RBFOX1: variants seen among roughly 807,000 people sequenced by gnomAD.
The protein encoded by RBFOX1 is RNA binding fox-1 homolog 1.
In RBFOX1, 8 loss-of-function variants were observed where a neutral mutation model predicts 57.7. That is an observed-to-expected ratio of 0.14 (90% CI 0.08 to 0.25). The LOEUF (loss-of-function observed/expected upper bound fraction) is 0.25, where lower values mean the gene tolerates loss of function less well. Ranked by LOEUF, RBFOX1 falls within the 10% of genes least tolerant of loss-of-function variation. The pLI, the probability that RBFOX1 is intolerant of heterozygous loss-of-function variation, is 1.00. For missense variants in RBFOX1, 611 were observed against 548.5 expected (o/e 1.11, Z -1.14); for synonymous variants, 326 against 222.4 (o/e 1.47, Z -4.15).
intron 4 of RBFOX1, among the ~76,000 whole-genome samples, chr16:5,938,755 T>C (rs1191129304): frequency 6.6e-6 from 1 of 152,130 alleles, no homozygotes; most frequent in East Asian, 1.9e-4. Flanking sequence ...TAAACAGTCA[T>C]TTTGGTTACC....
At chr16:5,366,470 CA>C in intron 1 of RBFOX1, 1 of 438,216 alleles carries the variant, frequency 2.3e-6, no homozygotes. Context: ...ACACCAAGAT[CA>C]AAAGGGCAAG....
intron 2 of RBFOX1, among the ~76,000 whole-genome samples, chr16:6,594,458 G>A (rs1034678981): frequency 3.9e-5 from 6 of 152,154 alleles, no homozygotes; most frequent in Non-Finnish European, 8.8e-5. Context: ...GGCAAACTCG[G>A]CAATAAATGC....
intron 3 of RBFOX1, among the ~76,000 whole-genome samples, chr16:6,792,792 A>G (rs2083218403): frequency 6.6e-6 from 1 of 152,190 alleles, no homozygotes; most frequent in African/African-American, 2.4e-5. Flanking sequence ...GCACTCTGGG[A>G]GGCCGAGGCA....
At chr16:6,942,701 G>C (rs1450464383) in intron 3 of RBFOX1, among the ~76,000 whole-genome samples, 8 of 152,118 alleles carry the variant, frequency 5.3e-5, no homozygotes, top group Admixed American at 5.2e-4. Context: ...TGACACTGGG[G>C]CATCTCTTTG....
At chr16:7,126,880 G>T (rs143640732) in intron 4 of RBFOX1, among the ~76,000 whole-genome samples, 20 of 151,846 alleles carry the variant, frequency 1.3e-4, no homozygotes, top group African/African-American at 3.6e-4. Flanking sequence ...GTGGTGGCAG[G>T]CACCTGTAAT....
chr16:7,548,031 C>T (rs1026627827), intron 5 of RBFOX1, among the ~76,000 whole-genome samples: 1 of 152,190 alleles, frequency 6.6e-6, no homozygotes, highest in Non-Finnish European at 1.5e-5. Context: ...AAAGAGGACA[C>T]TCTGTAAACA....
intron 3 of RBFOX1, among the ~76,000 whole-genome samples, chr16:6,945,220 G>C (rs961814493): frequency 2.0e-5 from 3 of 152,152 alleles, no homozygotes; most frequent in Non-Finnish European, 2.9e-5. Context: ...CAAAGTTCCA[G>C]CTCAGCCACT....
intron 4 of RBFOX1, among the ~76,000 whole-genome samples, chr16:7,466,607 C>A (rs1439552363): frequency 6.6e-6 from 1 of 152,174 alleles, no homozygotes; most frequent in Non-Finnish European, 1.5e-5. Context: ...GATCTGGATC[C>A]CAGCTCTGCA....
chr16:7,324,990 G>A (rs1157162048), intron 4 of RBFOX1, among the ~76,000 whole-genome samples: 1 of 152,072 alleles, frequency 6.6e-6, no homozygotes, highest in Non-Finnish European at 1.5e-5. Flanking sequence ...TTAGTTTTTT[G>A]TTTGGGACAT....
intron 4 of RBFOX1, among the ~76,000 whole-genome samples, chr16:5,988,175 C>G (rs1052039021): frequency 5.9e-5 from 9 of 152,132 alleles, no homozygotes; most frequent in African/African-American, 1.9e-4. Context: ...TCAGGAGGTG[C>G]AAATGTAATA....
chr16:5,847,235 G>C (rs1382979662), intron 3 of RBFOX1, among the ~76,000 whole-genome samples: 1 of 152,134 alleles, frequency 6.6e-6, no homozygotes, highest in Admixed American at 6.5e-5. Context: ...AGACGCTGCA[G>C]TTGGTAGAAG....
At chr16:6,387,423 C>G (rs1438894231) in intron 2 of RBFOX1, among the ~76,000 whole-genome samples, 2 of 147,474 alleles carry the variant, frequency 1.4e-5, no homozygotes, top group African/African-American at 2.5e-5. Context: ...ATGTGCAAGT[C>G]TTGCTTGTGA....
rs188838315 is a variant in RBFOX1 at position 7,170,660 on chromosome 16, G to A, written c.27+118562G>A. Among the ~76,000 whole-genome samples the A allele has an allele frequency of 2.6e-5, 4 of 152,306 alleles. No homozygotes were observed. The East Asian group carries it at 5.8e-4, about 22-fold the overall frequency. On this transcript the variant is annotated intron_variant, in intron 4 of 15. Transcript: ENST00000550418. ...TTTGGGTATCTTTTAGCCCTAAGCTGTATAATTCAGAGTTGTTTTGTTTTC... is the reference window on the plus strand; with the variant it reads ...TTTGGGTATCTTTTAGCCCTAAGCTATATAATTCAGAGTTGTTTTGTTTTC...
At chr16:6,843,558 G>C (rs779041530) in intron 3 of RBFOX1, among the ~76,000 whole-genome samples, 1 of 151,942 alleles carries the variant, frequency 6.6e-6, no homozygotes. Flanking sequence ...GCATGGTGGC[G>C]GGCACCTGTA....
At chr16:6,695,151 A>G (rs566537992) in intron 3 of RBFOX1, among the ~76,000 whole-genome samples, 1 of 152,242 alleles carries the variant, frequency 6.6e-6, no homozygotes, top group South Asian at 2.1e-4. Flanking sequence ...CGGGCGCAGT[A>G]GCTCATGCCT....
Position 7,174,711 on chromosome 16 carries a change from C to T in RBFOX1, c.27+122613C>T, listed in dbSNP as rs373028132. Among the ~76,000 whole-genome samples, 17 of 152,248 alleles carry T rather than the reference C, an allele frequency of 1.1e-4. No homozygotes were observed. The South Asian group carries it at 3.1e-3, about 28-fold the overall frequency. On this transcript the variant is annotated intron_variant, in intron 4 of 15. Transcript: ENST00000550418. ...AGGAGAATCACTTGAACGCGAGAGGCGGAGATTGCAGTGAGCCAAGATTGC... is the reference window on the plus strand; with the variant it reads ...AGGAGAATCACTTGAACGCGAGAGGTGGAGATTGCAGTGAGCCAAGATTGC...
chr16:5,859,837 C>T (rs993834044), intron 3 of RBFOX1, among the ~76,000 whole-genome samples: 1 of 152,184 alleles, frequency 6.6e-6, no homozygotes, highest in African/African-American at 2.4e-5. Flanking sequence ...GTTTATTATA[C>T]CTCAAGATAC....
Position 6,962,535 on chromosome 16 carries a change from C to T in RBFOX1, c.-15-89522C>T, listed in dbSNP as rs574584050. 2.0e-5 allele frequency among the ~76,000 whole-genome samples: 3 copies of T among 151,574 alleles called. No homozygotes were observed. In the South Asian group the frequency reaches 6.2e-4, roughly 31 times the overall value. The stretch of plus-strand genomic sequence containing the variant: ...CTTCTTACTTCAGAAGCTCAGAGGT[C>T]AAAAGCACCTTAAAGTTCATTCAAT... On this transcript the variant is annotated intron_variant, in intron 3 of 15. Transcript: ENST00000550418.
chr16:7,704,910 G>A (rs2081954329), intron 14 of RBFOX1, among the ~76,000 whole-genome samples: 1 of 152,052 alleles, frequency 6.6e-6, no homozygotes, highest in Admixed American at 6.5e-5. Flanking sequence ...AGCCACGTAT[G>A]GTGATGGGCG....
Sources: allele counts gnomAD v4.1 joint callset (sites outside exome capture counted in the v4.1 genomes callset), GRCh38; gene constraint gnomAD v4.1.1; transcripts MANE v1.5; gene names NCBI Gene and HGNC (gene_info 2026-07-23, HGNC 2026-07-21).